IL1RAP: variants seen among roughly 807,000 people sequenced by gnomAD.
The protein encoded by IL1RAP is interleukin-1 receptor accessory protein.
IL1RAP carries 35 observed loss-of-function variants against 60.7 expected under a neutral mutation model. The ratio of observed to expected loss-of-function variants is 0.58; its 90% CI spans 0.44 to 0.76. The LOEUF (loss-of-function observed/expected upper bound fraction) is 0.76, where lower values mean the gene tolerates loss of function less well. Ranked by LOEUF, IL1RAP falls within the 30% of genes least tolerant of loss-of-function variation. The pLI is 0.00. For synonymous variants in IL1RAP, 268 were observed against 250.9 expected (o/e 1.07, Z -0.64); for missense variants, 572 against 693.9 (o/e 0.82, Z 1.97).
chr3:190,637,772 T>C (rs1733337555), intron 9 of IL1RAP, among the ~76,000 whole-genome samples: 1 of 152,086 alleles, frequency 6.6e-6, no homozygotes, highest in Non-Finnish European at 1.5e-5. Flanking sequence ...CAATCCTTTC[T>C]ACCCCCACCT....
rs139801727 is a variant in IL1RAP at position 190,524,079 on chromosome 3, T to A, written c.-89+9860T>A. 3.9e-3 allele frequency among the ~76,000 whole-genome samples: 587 copies of A among 152,208 alleles called. 1 individual carries two copies. The highest frequency in any genetic ancestry group is 0.014 in the African/African-American group (567 of 41,454). ...CCATTCTGACTGGTGTGAGATGGTA[T>A]CTCGTTGTAGTTTTGATTTGAATTT... On this transcript the variant is annotated intron_variant, in intron 1 of 11. Coordinates refer to ENST00000447382, the MANE Select transcript of IL1RAP (RefSeq NM_002182.4).
At chr3:190,659,194 T>G (rs1734704848) in exon 12 of IL1RAP, 1 of 152,188 alleles carries the variant, frequency 6.6e-6, no homozygotes, top group Admixed American at 6.5e-5. Context: ...TATACATTAT[T>G]TTCTGTTTTA....
chr3:190,609,075 TC>T lies in IL1RAP; in HGVS notation c.434del (p.Pro145GlnfsTer7). ...AGCTGTTTCAATTCCCCCATGAAAC[TC>T]CCAGTGCATAAACTGTATATAGAAT... ...KDSCFNSPMK[L>X]PVHKLYIEYG... is the part of the protein sequence containing the mutation. On this transcript the variant is annotated frameshift_variant, in exon 5 of 12. Transcript: ENST00000447382. LOFTEE classifies it high-confidence loss of function. 6.2e-7 allele frequency: 1 copy of T among 1,613,208 alleles called. No individual in the cohort carries two copies. The highest frequency in any genetic ancestry group is 8.5e-7 in the Non-Finnish European group (1 of 1,179,362).
At chr3:190,538,409 TTGTG>T (rs1723648703) in intron 1 of IL1RAP, among the ~76,000 whole-genome samples, 1 of 152,180 alleles carries the variant, frequency 6.6e-6, no homozygotes, top group South Asian at 2.1e-4. Context: ...TTGGTTGCTT[TTGTG>T]TGAGTGGGTT....
At chr3:190,597,910 A>G (rs759757502) in intron 3 of IL1RAP, among the ~76,000 whole-genome samples, 2 of 152,198 alleles carry the variant, frequency 1.3e-5, no homozygotes, top group Non-Finnish European at 2.9e-5. Flanking sequence ...CCAGGGCTAT[A>G]AAGATTTTCA....
At chr3:190,577,730 CTA>C (rs1479211026) in intron 3 of IL1RAP, among the ~76,000 whole-genome samples, 1 of 151,988 alleles carries the variant, frequency 6.6e-6, no homozygotes, top group Non-Finnish European at 1.5e-5. Flanking sequence ...TGGGGTCTCG[CTA>C]TGTTGCCCAG....
chr3:190,548,081 CTGTTT>C (rs1429509017), intron 1 of IL1RAP, among the ~76,000 whole-genome samples: 2 of 152,158 alleles, frequency 1.3e-5, no homozygotes, highest in East Asian at 3.9e-4. Context: ...GGACAACTGA[CTGTTT>C]TGTGAGGCCA....
At chr3:190,558,373 G>A (rs1165322943) in intron 2 of IL1RAP, among the ~76,000 whole-genome samples, 1 of 152,174 alleles carries the variant, frequency 6.6e-6, no homozygotes, top group Non-Finnish European at 1.5e-5. Context: ...GTTTTCCAGA[G>A]AGGGTATATG....
At chr3:190,608,862 A>G (rs769315128) in intron 4 of IL1RAP, 133 bp from the exon 5 acceptor site, 2 of 628,860 alleles carry the variant, frequency 3.2e-6, no homozygotes, top group East Asian at 2.9e-5. Context: ...CTACCATTTT[A>G]TCTCTTACAT....
At chr3:190,547,349 C>G (rs1195089509) in intron 1 of IL1RAP, among the ~76,000 whole-genome samples, 2 of 152,180 alleles carry the variant, frequency 1.3e-5, no homozygotes, top group African/African-American at 4.8e-5. Context: ...GACTATGGGA[C>G]TGGTGGGTGC....
At chr3:190,610,987 T>C (rs937772198) in intron 5 of IL1RAP, among the ~76,000 whole-genome samples, 3 of 152,210 alleles carry the variant, frequency 2.0e-5, no homozygotes, top group Non-Finnish European at 4.4e-5. Context: ...AGGAAATCAG[T>C]TTATTATCTT....
intron 5 of IL1RAP, among the ~76,000 whole-genome samples, chr3:190,612,779 C>T (rs1172554939): frequency 1.3e-5 from 2 of 152,220 alleles, no homozygotes; most frequent in African/African-American, 4.8e-5. Flanking sequence ...GTGGAAAAAT[C>T]ATAAATAAAA....
Position 190,604,130 on chromosome 3 carries a change from C to A in IL1RAP, c.67C>A (p.Arg23Ser), listed in dbSNP as rs376511516. 6.2e-7 allele frequency: 1 copy of A among 1,613,264 alleles called. No homozygotes were observed. Among genetic ancestry groups the A allele is most frequent in the South Asian group, 1.1e-5 (1 of 91,014 alleles). Residue 23 changes from arginine (R) to serine (S), a missense_variant and splice_region_variant, in exon 4 of 12, where the codon CGC becomes AGC. By Grantham distance (110) the Arg-to-Ser change is moderately radical. Coordinates refer to ENST00000447382, the MANE Select transcript of IL1RAP (RefSeq NM_002182.4). ...TCTTTCTTTTTTGATTATTCCAGAA[C>A]GCTGCGATGACTGGGGACTAGACAC... ...YGILQSDASE[R>S]CDDWGLDTMR...
At position 190,609,061 on chromosome 3, in the gene IL1RAP, T is replaced by C. The variant is rs772821292; in HGVS notation, c.417T>C (p.Asn139=). 1 of 1,613,306 alleles carries C rather than the reference T, an allele frequency of 6.2e-7. No homozygotes were observed. The highest frequency in any genetic ancestry group is 8.5e-7 in the Non-Finnish European group (1 of 1,179,490). Residue 139 remains asparagine, a synonymous_variant, in exon 5 of 12, where the codon AAT becomes AAC. Coordinates refer to ENST00000447382, the MANE Select transcript of IL1RAP (RefSeq NM_002182.4). ...TTGTTCAAAAAGACAGCTGTTTCAATTCCCCCATGAAACTCCCAGTGCATA... is the reference window on the plus strand; with the variant it reads ...TTGTTCAAAAAGACAGCTGTTTCAACTCCCCCATGAAACTCCCAGTGCATA... The part of the protein sequence containing the change: ...LEVVQKDSCF[N]SPMKLPVHKL...
At chr3:190,620,886 GA>G (rs1731720240) in intron 6 of IL1RAP, among the ~76,000 whole-genome samples, 1 of 152,168 alleles carries the variant, frequency 6.6e-6, no homozygotes, top group Non-Finnish European at 1.5e-5. Context: ...GTTTTACTTG[GA>G]TTAAGTAAAC....
At chr3:190,517,385 T>G (rs1299366688) in intron 1 of IL1RAP, among the ~76,000 whole-genome samples, 2 of 149,354 alleles carry the variant, frequency 1.3e-5, no homozygotes, top group Admixed American at 6.7e-5. Context: ...ATTATTCAAC[T>G]TTTTTTTTTG....
chr3:190,607,669 G>A (rs1448076463), intron 4 of IL1RAP, among the ~76,000 whole-genome samples: 2 of 152,164 alleles, frequency 1.3e-5, no homozygotes, highest in Admixed American at 6.5e-5. Flanking sequence ...ACGGAACAAC[G>A]TGTGTGAACA....
chr3:190,564,136 TA>T (rs1420009454), intron 2 of IL1RAP, 152 bp from the exon 3 acceptor site: 10 of 582,896 alleles, frequency 1.7e-5, no homozygotes, highest in Non-Finnish European at 2.8e-5. Flanking sequence ...AAACCTGTCT[TA>T]TTGGTTGGTT....
chr3:190,531,407 C>T (rs1722975771), intron 1 of IL1RAP, among the ~76,000 whole-genome samples: 1 of 152,060 alleles, frequency 6.6e-6, no homozygotes, highest in Admixed American at 6.6e-5. Context: ...TTTTTACTGC[C>T]TTTCCTCAAA....
Sources: gnomAD v4.1 joint callset for allele counts (sites outside exome capture counted in the v4.1 genomes callset) on GRCh38, gnomAD v4.1.1 for gene constraint, MANE v1.5 for transcripts, NCBI Gene and HGNC (gene_info 2026-07-23, HGNC 2026-07-21) for gene names.